The following POMT2 variants were observed in gnomAD, a reference collection of about 807,000 sequenced individuals.
POMT2 encodes protein O-mannosyltransferase 2, also known as protein O-mannosyl-transferase 2.
POMT2 carries 75 observed loss-of-function variants against 100.0 expected under a neutral mutation model. That is an observed-to-expected ratio of 0.75 (90% CI 0.62 to 0.91). POMT2 has a LOEUF of 0.91. POMT2 is among the 40% of genes least tolerant of loss of function. POMT2 has a pLI of 0.00. For synonymous variants in POMT2, 378 were observed against 374.1 expected, an observed-to-expected ratio of 1.01 and a Z score of -0.12; for missense variants, 940 against 955.1, an observed-to-expected ratio of 0.98 and a Z score of 0.21.
intron 15 of POMT2, among the ~76,000 whole-genome samples, chr14:77,282,981 G>A (rs947418056): frequency 6.6e-6 from 1 of 152,204 alleles, no homozygotes; most frequent in African/African-American, 2.4e-5. Flanking sequence ...CCACTAAACA[G>A]CAGGACTACA....
intron 1 of POMT2, chr14:77,319,596 C>T (rs1298874668): frequency 6.6e-6 from 1 of 152,262 alleles, no homozygotes; most frequent in African/African-American, 2.4e-5. Flanking sequence ...GTACTGCCTT[C>T]TATAAAACAG....
chr14:77,291,387 G>A lies in POMT2; in HGVS notation c.1117-7C>T, dbSNP rs201921627. 3.2e-6 allele frequency: 2 copies of A among 624,312 alleles called. No homozygotes were observed. Among genetic ancestry groups the A allele is most frequent in the African/African-American group, 2.2e-5 (1 of 44,958 alleles). The allele number at this position is 624,312 out of a possible 1,614,324, so 38.7% of individuals were successfully genotyped here. A position where few individuals can be genotyped will look rare whatever the true frequency, so the allele number is the denominator to read the frequency against. ...TGTGCAAATAGGTGGTGACCTGGGT[G>A]GGGGGTGGGGGCGGAGGGAAGAGGA... On this transcript the variant is annotated splice_region_variant and splice_polypyrimidine_tract_variant and intron_variant, in intron 9 of 20. Coordinates refer to ENST00000261534, the MANE Select transcript of POMT2 (RefSeq NM_013382.7).
In POMT2 at chr14:77,300,955, T is replaced by G. The variant is rs575487114; in HGVS notation, c.816+135A>C. On this transcript the variant is annotated intron_variant, in intron 6 of 20. Coordinates refer to ENST00000261534, the MANE Select transcript of POMT2 (RefSeq NM_013382.7). The stretch of plus-strand genomic sequence containing the variant: ...CTGATGTCCTGCTGTCTGCGGAGGT[T>G]GGGGGGTCCAGCCCACCTGGGACCC... 2.6e-6 allele frequency: 4 copies of G among 1,564,600 alleles called. No homozygotes were observed. The African/African-American group carries it at 5.4e-5, about 21-fold the overall frequency.
chr14:77,320,388 C>T (rs1891823315), intron 1 of POMT2, 46 bp downstream of exon 1: 1 of 1,543,004 alleles, frequency 6.5e-7, no homozygotes, highest in Non-Finnish European at 8.7e-7. Context: ...GGGCGGCGTC[C>T]CGTCGCGGTT....
At chr14:77,290,878 G>A (rs1382425305) in intron 10 of POMT2, among the ~76,000 whole-genome samples, 1 of 152,186 alleles carries the variant, frequency 6.6e-6, no homozygotes, top group East Asian at 1.9e-4. Context: ...CTGAGCAGTG[G>A]GCAGGATTCT....
At chr14:77,277,628 A>G (rs2140157755) in intron 20 of POMT2, 147 bp from the exon 21 acceptor site, 1 of 720,100 alleles carries the variant, frequency 1.4e-6, no homozygotes, top group Non-Finnish European at 2.5e-6. Context: ...TCTGAGTCCC[A>G]CTGGGGCACA....
In POMT2 at chr14:77,280,435, T is replaced by C. The variant is rs1308963212; in HGVS notation, c.1682A>G (p.Asn561Ser). 1.2e-6 allele frequency: 2 copies of C among 1,614,152 alleles called. No homozygotes were observed. The highest frequency in any genetic ancestry group is 1.1e-5 in the South Asian group (1 of 91,086). Residue 561 changes from asparagine (N) to serine (S), a missense_variant, in exon 16 of 21, where the codon AAT (asparagine) becomes AGT (serine). Asn to Ser is a conservative substitution (Grantham distance 46, BLOSUM62 1). Coordinates refer to ENST00000261534, the MANE Select transcript of POMT2 (RefSeq NM_013382.7). ...GTGCCAGGGTTTGGACGTGAACTCA[T>C]TGTCCTTGGGTTTGAGGCCACTGTT... ...RGNSGLKPKD[N>S]EFTSKPWHWP...
At chr14:77,299,002 T>C (rs756867652) in intron 7 of POMT2, among the ~76,000 whole-genome samples, 9 of 152,240 alleles carry the variant, frequency 5.9e-5, no homozygotes, top group Admixed American at 1.3e-4. Flanking sequence ...TCCTCATTTA[T>C]AAACTAGAGA....
intron 1 of POMT2, among the ~76,000 whole-genome samples, chr14:77,316,815 A>G (rs964911715): frequency 2.6e-5 from 4 of 152,208 alleles, no homozygotes; most frequent in South Asian, 2.1e-4. Context: ...CTTAGCCCCA[A>G]TGATAACTCT....
At chr14:77,308,935 GC>G (rs1594802459) in intron 2 of POMT2, among the ~76,000 whole-genome samples, 1 of 152,162 alleles carries the variant, frequency 6.6e-6, no homozygotes, top group Non-Finnish European at 1.5e-5. Context: ...CATACATGCT[GC>G]CCACCAACTG....
Position 77,304,781 on chromosome 14 carries a change from G to C in POMT2, c.458C>G (p.Ser153Cys). ...GMRGFCAFLGSWLVPFAYLTV... is the reference protein window; with the variant it reads ...GMRGFCAFLGCWLVPFAYLTV... Reference sequence around the variant, plus strand: ...GAGGTAGGCAAAGGGGACCAGCCAGGAGCCAAGGAATGCACAGAACTGTGG... The same window carrying C: ...GAGGTAGGCAAAGGGGACCAGCCAGCAGCCAAGGAATGCACAGAACTGTGG... The change falls in exon 4 of 21, where the codon TCC becomes TGC. Residue 153 changes from serine (S) to cysteine (C), a missense_variant. By Grantham distance (112) the Ser-to-Cys change is moderately radical. Transcript: ENST00000261534. 6.3e-7 allele frequency: 1 copy of C among 1,596,420 alleles called. No individual in the cohort carries two copies.
At chr14:77,300,774 C>T (rs537382560) in intron 6 of POMT2, 22 of 327,662 alleles carry the variant, frequency 6.7e-5, no homozygotes, top group South Asian at 3.4e-4. Context: ...GAGCCAAGAT[C>T]GGCCCACTGC....
rs1566642798 is a variant in POMT2 at position 77,278,739 on chromosome 14, G to A, written c.2022C>T (p.Ser674=). 1 of 1,613,942 alleles carries A rather than the reference G, an allele frequency of 6.2e-7. No homozygotes were observed. The highest frequency in any genetic ancestry group is 8.5e-7 in the Non-Finnish European group (1 of 1,179,930). Residue 674 remains serine (S), a synonymous_variant, in exon 19 of 21, where the codon AGC becomes AGT. Transcript: ENST00000261534. The part of the protein sequence containing the change: ...HHYFPAMLFS[S]MLTGILWDTL... ...GTGGGTGGCACTGACCTGTCAACAT[G>A]CTTGAGAAGAGCATGGCTGGGAAGT...
At chr14:77,318,795 G>C (rs1393695281) in intron 1 of POMT2, among the ~76,000 whole-genome samples, 1 of 149,314 alleles carries the variant, frequency 6.7e-6, no homozygotes, top group Non-Finnish European at 1.5e-5. Flanking sequence ...GAATGCAATG[G>C]TGCGATCTTA....
intron 4 of POMT2, 103 bp from the exon 5 acceptor site, chr14:77,303,046 G>A (rs1446293811): frequency 1.2e-6 from 1 of 857,972 alleles, no homozygotes; most frequent in African/African-American, 1.7e-5. Context: ...CCACTTAATT[G>A]AGTGTAAGCA....
chr14:77,307,318 C>A (rs1336970348), intron 2 of POMT2, among the ~76,000 whole-genome samples: 1 of 152,208 alleles, frequency 6.6e-6, no homozygotes, highest in Non-Finnish European at 1.5e-5. Context: ...CCCAGCCACA[C>A]TTGTGGGACA....
chr14:77,280,424 A>T lies in POMT2; in HGVS notation c.1693T>A (p.Ser565Thr). The part of the protein sequence containing the change: ...GLKPKDNEFT[S>T]KPWHWPINYQ... ...TTGATAGGCCAGTGCCAGGGTTTGGACGTGAACTCATTGTCCTTGGGTTTG... is the reference window on the plus strand; with the variant it reads ...TTGATAGGCCAGTGCCAGGGTTTGGTCGTGAACTCATTGTCCTTGGGTTTG... Residue 565 changes from serine (S) to threonine (T), a missense_variant, in exon 16 of 21, where the codon TCC (serine) becomes ACC (threonine). Coordinates refer to ENST00000261534, the MANE Select transcript of POMT2 (RefSeq NM_013382.7). 1 of 1,613,956 alleles carries T rather than the reference A, an allele frequency of 6.2e-7. No individual in the cohort carries two copies. Among genetic ancestry groups the T allele is most frequent in the Non-Finnish European group, 8.5e-7 (1 of 1,180,008 alleles).
intron 3 of POMT2, among the ~76,000 whole-genome samples, 167 bp from the exon 4 acceptor site, chr14:77,304,967 T>C (rs140496311): frequency 3.9e-5 from 6 of 152,304 alleles, no homozygotes; most frequent in East Asian, 1.9e-4. Context: ...ATTGTAATAG[T>C]GAAGAGCCAA....
intron 1 of POMT2, among the ~76,000 whole-genome samples, chr14:77,313,498 GACAATAATATTATCTGCCCTGCCC>G (rs1891514632): frequency 1.3e-5 from 2 of 152,302 alleles, no homozygotes; most frequent in South Asian, 4.1e-4. Flanking sequence ...ACAAAATGAA[GACAATAATATTATCTGCCCTGCCC>G]ACCTCCCAGG....
Sources: allele counts gnomAD v4.1 joint callset (sites outside exome capture counted in the v4.1 genomes callset), GRCh38; gene constraint gnomAD v4.1.1; transcripts MANE v1.5; gene names NCBI Gene and HGNC (gene_info 2026-07-23, HGNC 2026-07-21).